Variants in CCDC91 observed in about 807,000 individuals in gnomAD.
The protein encoded by CCDC91 is coiled-coil domain-containing protein 91.
Under a neutral mutation model 63.2 loss-of-function variants are expected in CCDC91, and 48 were observed. The observed-to-expected ratio is 0.76, with a 90% CI of 0.60 to 0.97. The LOEUF (loss-of-function observed/expected upper bound fraction) is 0.97, where lower values mean the gene tolerates loss of function less well. Among genes scored for constraint, CCDC91 ranks in the 50% least tolerant of loss-of-function variants. The pLI, the probability that CCDC91 is intolerant of heterozygous loss-of-function variation, is 0.00. For missense variants in CCDC91, 500 were observed against 494.6 expected (o/e 1.01, Z -0.10); for synonymous variants, 167 against 165.8 (o/e 1.01, Z -0.06).
At chr12:28,505,630 A>T (rs1465355867) in intron 12 of CCDC91, 1 of 152,098 alleles carries the variant, frequency 6.6e-6, no homozygotes, top group Non-Finnish European at 1.5e-5. Context: ...GATGCCAGGA[A>T]TTGCAGATTC....
At chr12:28,242,176 A>G (rs1945390909) in intron 1 of CCDC91, among the ~76,000 whole-genome samples, 1 of 152,064 alleles carries the variant, frequency 6.6e-6, no homozygotes, top group Admixed American at 6.5e-5. Flanking sequence ...AGGGGGTGCC[A>G]GGGGATTTGG....
chr12:28,533,986 T>G (rs1177018998), intron 12 of CCDC91, among the ~76,000 whole-genome samples: 1 of 152,086 alleles, frequency 6.6e-6, no homozygotes, highest in Non-Finnish European at 1.5e-5. Context: ...ACTGTATTAC[T>G]TATTCTTCCT....
intron 12 of CCDC91, among the ~76,000 whole-genome samples, chr12:28,509,496 TAGG>T (rs1007259459): frequency 6.6e-6 from 1 of 151,872 alleles, no homozygotes; most frequent in African/African-American, 2.4e-5. Flanking sequence ...AGTCTCTAGG[TAGG>T]AGTATAATAC....
intron 3 of CCDC91, among the ~76,000 whole-genome samples, chr12:28,260,280 C>T (rs549406087): frequency 1.5e-4 from 23 of 151,948 alleles, no homozygotes; most frequent in Non-Finnish European, 3.1e-4. Context: ...AGTAACCTGG[C>T]AGCTGGAAAT....
intron 6 of CCDC91, among the ~76,000 whole-genome samples, chr12:28,325,621 A>G (rs1204839790): frequency 2.0e-5 from 3 of 152,022 alleles, no homozygotes; most frequent in Non-Finnish European, 4.4e-5. Context: ...TCAGGATTTC[A>G]TTTAAAAGAT....
intron 1 of CCDC91, among the ~76,000 whole-genome samples, chr12:28,227,108 G>A (rs1438293245): frequency 6.6e-6 from 1 of 152,224 alleles, no homozygotes; most frequent in South Asian, 2.1e-4. Flanking sequence ...TCATTGTTAA[G>A]CTGTGACTTA....
At chr12:28,547,752 G>C (rs1473819065) in intron 12 of CCDC91, among the ~76,000 whole-genome samples, 1 of 152,034 alleles carries the variant, frequency 6.6e-6, no homozygotes, top group African/African-American at 2.4e-5. Context: ...GGAGCATTTT[G>C]CTAAATATAG....
intron 11 of CCDC91, among the ~76,000 whole-genome samples, chr12:28,459,621 A>G (rs1009133536): frequency 6.6e-6 from 1 of 152,212 alleles, no homozygotes; most frequent in South Asian, 2.1e-4. Context: ...TTGTTACTCA[A>G]TGAAAAACTT....
At chr12:28,194,504 C>T (rs1042937320) in intron 1 of CCDC91, among the ~76,000 whole-genome samples, 11 of 152,106 alleles carry the variant, frequency 7.2e-5, no homozygotes, top group Admixed American at 2.0e-4. Context: ...ATGGTCTTGC[C>T]GACTTCAGGA....
intron 12 of CCDC91, among the ~76,000 whole-genome samples, chr12:28,547,117 A>G (rs1943045387): frequency 6.6e-6 from 1 of 152,122 alleles, no homozygotes; most frequent in African/African-American, 2.4e-5. Context: ...TGTGGACCAC[A>G]TATTTTTAAA....
chr12:28,422,632 A>C (rs543314993), intron 8 of CCDC91, among the ~76,000 whole-genome samples: 1 of 152,150 alleles, frequency 6.6e-6, no homozygotes, highest in South Asian at 2.1e-4. Context: ...CTAGCCATAA[A>C]ATTGTTTTTC....
At chr12:28,191,976 T>C (rs1238716291) in intron 1 of CCDC91, among the ~76,000 whole-genome samples, 1 of 152,144 alleles carries the variant, frequency 6.6e-6, no homozygotes, top group Non-Finnish European at 1.5e-5. Flanking sequence ...ATAAGCCCAA[T>C]GGAATAAACA....
chr12:28,332,863 T>C lies in CCDC91; in HGVS notation c.576+25114T>C, dbSNP rs577890738. On this transcript the variant is annotated intron_variant, in intron 6 of 12. Coordinates refer to ENST00000536442, the MANE Select transcript of CCDC91 (RefSeq NM_018318.5). Reference sequence around the variant, plus strand: ...TTATCTAACACAAGTGTTTTTTTTTTCGTAAGGCATGTCATAGCCTTTGCA... The same window carrying C: ...TTATCTAACACAAGTGTTTTTTTTTCCGTAAGGCATGTCATAGCCTTTGCA... Among the ~76,000 whole-genome samples, 60 of 152,256 alleles carry C rather than the reference T, an allele frequency of 3.9e-4. 1 individual carries two copies. Among genetic ancestry groups the C allele is most frequent in the South Asian group, 1.0e-3 (5 of 4,824 alleles).
At chr12:28,511,639 C>A (rs951291453) in intron 12 of CCDC91, among the ~76,000 whole-genome samples, 2 of 151,892 alleles carry the variant, frequency 1.3e-5, no homozygotes, top group Non-Finnish European at 2.9e-5. Context: ...GAGGTCACAG[C>A]AAGGATTCCT....
rs777412181 is a variant in CCDC91 at position 28,306,750 on chromosome 12, A to G, written c.276A>G (p.Gln92=). ...SQTIPKAQIQ[Q]STHTHLDISL... ...TTTTTTATGTGGTTTAGATTCAGCAATCAACACACACTCATCTGGATATCT... is the reference window on the plus strand; with the variant it reads ...TTTTTTATGTGGTTTAGATTCAGCAGTCAACACACACTCATCTGGATATCT... Residue 92 remains glutamine (Q), a synonymous_variant, in exon 5 of 13, where the codon CAA becomes CAG. Transcript: ENST00000536442. 21 of 1,605,902 alleles carry G rather than the reference A, an allele frequency of 1.3e-5. No homozygotes were observed. The African/African-American group carries it at 1.9e-4, about 14-fold the overall frequency.
At chr12:28,431,807 A>G (rs191793629) in intron 8 of CCDC91, among the ~76,000 whole-genome samples, 1 of 152,160 alleles carries the variant, frequency 6.6e-6, no homozygotes, top group Admixed American at 6.6e-5. Context: ...AGTTCTGACA[A>G]ATGTGTAATG....
intron 3 of CCDC91, among the ~76,000 whole-genome samples, chr12:28,267,831 A>AT (rs1947358004): frequency 5.6e-5 from 1 of 17,804 alleles, no homozygotes; most frequent in Non-Finnish European, 1.3e-4. Flanking sequence ...TTATTAATAT[A>AT]TAATTATATA....
At chr12:28,518,569 T>C (rs1487515291) in intron 12 of CCDC91, among the ~76,000 whole-genome samples, 1 of 152,108 alleles carries the variant, frequency 6.6e-6, no homozygotes, top group African/African-American at 2.4e-5. Context: ...GTCAGATGTA[T>C]AGATTGTGAA....
chr12:28,400,413 G>C (rs1946551809), intron 8 of CCDC91, among the ~76,000 whole-genome samples: 1 of 145,102 alleles, frequency 6.9e-6, no homozygotes, highest in African/African-American at 2.6e-5. Flanking sequence ...CCAGGTCTGT[G>C]ATGAGAGGGA....
Sources: allele counts gnomAD v4.1 joint callset (sites outside exome capture counted in the v4.1 genomes callset), GRCh38; gene constraint gnomAD v4.1.1; transcripts MANE v1.5; gene names NCBI Gene and HGNC (gene_info 2026-07-23, HGNC 2026-07-21).